Variants in BTRC observed in about 807,000 individuals in gnomAD.
BTRC encodes the protein F-box/WD repeat-containing protein 1A.
Under a neutral mutation model 85.5 loss-of-function variants are expected in BTRC, and 42 were observed. The ratio of observed to expected loss-of-function variants is 0.49; its 90% confidence interval spans 0.38 to 0.64. The LOEUF (loss-of-function observed/expected upper bound fraction) is 0.64. Among genes scored for constraint, BTRC ranks in the 30% least tolerant of loss-of-function variants. BTRC has a pLI of 0.00. For missense variants in BTRC, 594 were observed against 743.5 expected, an observed-to-expected ratio of 0.80 and a Z score of 2.34; for synonymous variants, 255 against 263.3, an observed-to-expected ratio of 0.97 and a Z score of 0.30.
chr10:101,371,278 A>T (rs1184905600), intron 1 of BTRC, among the ~76,000 whole-genome samples: 2 of 151,956 alleles, frequency 1.3e-5, no homozygotes, highest in Non-Finnish European at 2.9e-5. Flanking sequence ...AGACTCCGCC[A>T]AGCAATTCTC....
At chr10:101,387,895 G>T (rs558261045) in intron 1 of BTRC, among the ~76,000 whole-genome samples, 1 of 151,996 alleles carries the variant, frequency 6.6e-6, no homozygotes, top group African/African-American at 2.4e-5. Context: ...TTGCCATGTT[G>T]GTCAGGCTGG....
intron 1 of BTRC, among the ~76,000 whole-genome samples, chr10:101,413,657 G>A (rs111552991): frequency 8.2e-4 from 124 of 152,096 alleles, no homozygotes; most frequent in Non-Finnish European, 1.6e-3. Flanking sequence ...TGTCCCAGAG[G>A]AAATCTTTAC....
chr10:101,461,789 T>C (rs1288044192), intron 2 of BTRC, among the ~76,000 whole-genome samples, 192 bp from the exon 3 acceptor site: 1 of 152,224 alleles, frequency 6.6e-6, no homozygotes, highest in African/African-American at 2.4e-5. Flanking sequence ...CCTTACATAA[T>C]TTATTTATAT....
chr10:101,393,905 C>T (rs550721393), intron 1 of BTRC, among the ~76,000 whole-genome samples: 91 of 152,288 alleles, frequency 6.0e-4, no homozygotes, highest in Non-Finnish European at 1.0e-3. Context: ...TGTGGAAAAG[C>T]AGTTGAATGA....
intron 1 of BTRC, among the ~76,000 whole-genome samples, chr10:101,418,551 A>G (rs763326208): frequency 2.6e-5 from 4 of 151,936 alleles, no homozygotes; most frequent in Non-Finnish European, 4.4e-5. Flanking sequence ...TCAGAGTGCC[A>G]CCTCCCAAAA....
chr10:101,496,816 T>C (rs994101178), intron 4 of BTRC, among the ~76,000 whole-genome samples: 4 of 152,154 alleles, frequency 2.6e-5, no homozygotes, highest in African/African-American at 9.7e-5. Context: ...TTTATAAGAG[T>C]TCTTTATAAA....
Position 101,525,059 on chromosome 10 carries a change from T to C in BTRC, c.557-954T>C, listed in dbSNP as rs2062170336. 2.0e-5 allele frequency among the ~76,000 whole-genome samples: 3 copies of C among 152,224 alleles called. No individual in the cohort carries two copies. In the South Asian group the frequency reaches 6.2e-4, roughly 31 times the overall value. ...TTAAGTCTGTAGAAAACCTCTGATATGTACTTTGTAAACAGAAATAACTTT... is the reference window on the plus strand; with the variant it reads ...TTAAGTCTGTAGAAAACCTCTGATACGTACTTTGTAAACAGAAATAACTTT... On this transcript the variant is annotated intron_variant, in intron 5 of 14. Coordinates refer to ENST00000370187, the MANE Select transcript of BTRC (RefSeq NM_033637.4).
chr10:101,357,354 T>A (rs1031891674), intron 1 of BTRC, among the ~76,000 whole-genome samples: 5 of 143,730 alleles, frequency 3.5e-5, no homozygotes, highest in African/African-American at 1.3e-4. Flanking sequence ...GGCAGTAGAA[T>A]CACTTGAACC....
chr10:101,528,925 G>A (rs2062240220), intron 6 of BTRC, among the ~76,000 whole-genome samples: 2 of 152,120 alleles, frequency 1.3e-5, no homozygotes, highest in South Asian at 4.2e-4. Context: ...TTTATATCTA[G>A]ATGGATTTGA....
At chr10:101,376,868 T>C (rs1305558944) in intron 1 of BTRC, among the ~76,000 whole-genome samples, 1 of 152,204 alleles carries the variant, frequency 6.6e-6, no homozygotes, top group Non-Finnish European at 1.5e-5. Flanking sequence ...CATTCCACTC[T>C]CATTCCATTT....
At position 101,521,876 on chromosome 10, in the gene BTRC, T is replaced by A. The variant is rs770280873; in HGVS notation, c.556+6T>A. The A allele has an allele frequency of 6.9e-6, 11 of 1,589,332 alleles. No homozygotes were observed. The South Asian group carries it at 1.2e-4, about 18-fold the overall frequency. ...TTTCATAACTGCTCTGCCAGGTATG[T>A]CTACAAGTGTTTGTAAACCATTAAT... On this transcript the variant is annotated splice_donor_region_variant and intron_variant, in intron 5 of 14. Transcript: ENST00000370187.
At chr10:101,536,461 G>A in intron 11 of BTRC, 82 bp from the exon 12 acceptor site, 1 of 932,652 alleles carries the variant, frequency 1.1e-6, no homozygotes, top group East Asian at 2.4e-5. Flanking sequence ...ATTTTTAGAA[G>A]GCATATGAGG....
chr10:101,481,977 A>G (rs968316908), intron 4 of BTRC, among the ~76,000 whole-genome samples: 7 of 152,286 alleles, frequency 4.6e-5, no homozygotes, highest in Admixed American at 4.6e-4. Flanking sequence ...CTTTCTTGCA[A>G]CAGTCTCCAG....
intron 13 of BTRC, among the ~76,000 whole-genome samples, chr10:101,545,484 T>A (rs1408505963): frequency 6.6e-6 from 1 of 152,180 alleles, no homozygotes; most frequent in East Asian, 1.9e-4. Context: ...GTGACTGTAT[T>A]TGGAGTTATA....
chr10:101,410,236 C>A (rs1943739529), intron 1 of BTRC, among the ~76,000 whole-genome samples: 1 of 152,042 alleles, frequency 6.6e-6, no homozygotes. Context: ...TTCTTTAGTT[C>A]TTTTTTTAAA....
Position 101,479,382 on chromosome 10 carries a change from T to G in BTRC, c.249T>G (p.Cys83Trp). 1 of 1,612,860 alleles carries G rather than the reference T, an allele frequency of 6.2e-7. No homozygotes were observed. The highest frequency in any genetic ancestry group is 8.5e-7 in the Non-Finnish European group (1 of 1,179,134). The change falls in exon 4 of 15, where the codon TGT becomes TGG. Residue 83 changes from cysteine (C) to tryptophan (W), a missense_variant. Around this residue, in one of 4 missense-constraint regions of BTRC, gnomAD observed 163 missense variants for 180.5 expected, o/e 0.90. Transcript: ENST00000370187. ...TCTCTTTACAGACATACAACAGCTGTGCCAGACTCTGCTTAAACCAAGAAA... is the reference window on the plus strand; with the variant it reads ...TCTCTTTACAGACATACAACAGCTGGGCCAGACTCTGCTTAAACCAAGAAA... The part of the protein sequence containing the change: ...KNSLRQTYNS[C>W]ARLCLNQETV...
intron 1 of BTRC, among the ~76,000 whole-genome samples, chr10:101,407,331 A>G (rs938595860): frequency 1.3e-5 from 2 of 152,324 alleles, no homozygotes; most frequent in African/African-American, 2.4e-5. Flanking sequence ...CTGGTTGACA[A>G]TGAGACCATG....
In BTRC at chr10:101,536,616, T is replaced by A; in HGVS notation, c.1540T>A (p.Phe514Ile). The change falls in exon 12 of 15, where the codon TTT becomes ATT. Residue 514 changes from phenylalanine (F) to isoleucine (I), a missense_variant. Physicochemically the swap from Phe to Ile is conservative, Grantham distance 21 (BLOSUM62 0). This residue lies in a region of BTRC where 373 missense variants were observed against 503.6 expected (regional missense o/e 0.74). Coordinates refer to ENST00000370187, the MANE Select transcript of BTRC (RefSeq NM_033637.4). Reference sequence around the variant, plus strand: ...TGAGGAATTGGTGCGTTGTATTCGATTTGATAACAAGAGGATAGTCAGTGG... The same window carrying A: ...TGAGGAATTGGTGCGTTGTATTCGAATTGATAACAAGAGGATAGTCAGTGG... ...GHEELVRCIR[F>I]DNKRIVSGAY... is the part of the protein sequence containing the mutation. 1 of 1,613,712 alleles carries A rather than the reference T, an allele frequency of 6.2e-7. No homozygotes were observed. Among genetic ancestry groups the A allele is most frequent in the East Asian group, 2.2e-5 (1 of 44,864 alleles).
At chr10:101,382,968 C>G (rs1942973681) in intron 1 of BTRC, among the ~76,000 whole-genome samples, 1 of 151,018 alleles carries the variant, frequency 6.6e-6, no homozygotes, top group Admixed American at 6.6e-5. Context: ...ACTAAAGCTG[C>G]TTAGAGAATT....
Sources: allele counts gnomAD v4.1 joint callset (sites outside exome capture counted in the v4.1 genomes callset), GRCh38; gene constraint gnomAD v4.1.1; regional missense constraint gnomAD v4.1.1; transcripts MANE v1.5; gene names NCBI Gene and HGNC (gene_info 2026-07-23, HGNC 2026-07-21).